CLSTN2: variants seen among roughly 807,000 people sequenced by gnomAD.
CLSTN2 encodes the protein calsyntenin 2, also known as calsyntenin-2.
A neutral mutation model predicts 101.2 loss-of-function variants in CLSTN2; 48 were observed. That is an observed-to-expected ratio of 0.47 (90% confidence interval 0.38 to 0.60). CLSTN2 has a LOEUF of 0.60. Ranked by LOEUF, CLSTN2 falls within the 20% of genes least tolerant of loss-of-function variation. The pLI is 0.00. For missense variants in CLSTN2, 1,160 were observed against 1,238.2 expected (o/e 0.94, Z 0.95); for synonymous variants, 481 against 463.6 (o/e 1.04, Z -0.48).
At chr3:140,006,869 G>A (rs577484494) in intron 1 of CLSTN2, among the ~76,000 whole-genome samples, 5 of 152,088 alleles carry the variant, frequency 3.3e-5, no homozygotes, top group Admixed American at 1.3e-4. Context: ...TGAGGGAGGC[G>A]CTTAGCTGCA....
chr3:140,442,770 C>T (rs899801658), intron 5 of CLSTN2, among the ~76,000 whole-genome samples: 2 of 152,100 alleles, frequency 1.3e-5, no homozygotes, highest in East Asian at 1.9e-4. Context: ...ATGTATGGCT[C>T]CTTACTGGCC....
intron 1 of CLSTN2, among the ~76,000 whole-genome samples, chr3:139,992,512 T>C (rs1258884167): frequency 6.6e-6 from 1 of 152,176 alleles, no homozygotes; most frequent in African/African-American, 2.4e-5. Context: ...TGCCAGCCTC[T>C]AGTGCTATTT....
intron 1 of CLSTN2, among the ~76,000 whole-genome samples, chr3:140,156,312 A>G (rs1403510457): frequency 2.0e-5 from 3 of 152,190 alleles, no homozygotes; most frequent in African/African-American, 4.8e-5. Context: ...AATTTACTCT[A>G]AATCAACCAC....
intron 5 of CLSTN2, among the ~76,000 whole-genome samples, chr3:140,438,689 T>C (rs2088713356): frequency 6.6e-6 from 1 of 152,186 alleles, no homozygotes; most frequent in African/African-American, 2.4e-5. Flanking sequence ...GCCTGGAAGA[T>C]GCTCATGTTT....
At chr3:140,011,935 C>G (rs2007083084) in intron 1 of CLSTN2, among the ~76,000 whole-genome samples, 1 of 152,030 alleles carries the variant, frequency 6.6e-6, no homozygotes, top group African/African-American at 2.4e-5. Context: ...ACCAGGGAAC[C>G]CTCTGGGAGA....
intron 8 of CLSTN2, among the ~76,000 whole-genome samples, chr3:140,486,769 CT>C (rs1294956272): frequency 6.6e-6 from 1 of 152,120 alleles, no homozygotes; most frequent in Non-Finnish European, 1.5e-5. Context: ...AAGGAAAATG[CT>C]GTAGAGGTGC....
rs1467222171 is a variant in CLSTN2 at position 140,391,053 on chromosome 3, C to T, written c.233-12576C>T. Among the ~76,000 whole-genome samples, 6 of 152,258 alleles carry T rather than the reference C, an allele frequency of 3.9e-5. No individual in the cohort carries two copies. In the East Asian group the frequency reaches 9.7e-4, roughly 24 times the overall value. ...GGTTCAAAAGGCTGGCAGTCTGTCCCCACATGCAGGGGACTGGGGGCAGCC... is the reference window on the plus strand; with the variant it reads ...GGTTCAAAAGGCTGGCAGTCTGTCCTCACATGCAGGGGACTGGGGGCAGCC... On this transcript the variant is annotated intron_variant, in intron 2 of 16. Transcript: ENST00000458420.
chr3:140,447,700 T>G (rs532621412), intron 5 of CLSTN2, among the ~76,000 whole-genome samples: 3 of 152,346 alleles, frequency 2.0e-5, no homozygotes, highest in East Asian at 1.9e-4. Context: ...CATGCTTCCT[T>G]TTGTTTTATA....
intron 2 of CLSTN2, among the ~76,000 whole-genome samples, chr3:140,348,354 T>C (rs531758695): frequency 6.6e-6 from 1 of 152,340 alleles, no homozygotes; most frequent in South Asian, 2.1e-4. Flanking sequence ...AAGGGCTTTT[T>C]CTTGCTCTGA....
rs1935850239 is a variant in CLSTN2, at chr3:140,558,707, A to G, written c.1891A>G (p.Ile631Val). The change falls in exon 12 of 17, where the codon ATC (isoleucine) becomes GTC (valine). Residue 631 changes from isoleucine to valine, a missense_variant. By Grantham distance (29) the Ile-to-Val change is conservative. Transcript: ENST00000458420. ...VDAYVMVLQA[I>V]EPRITLRGTD... ...TGCCTATGTGATGGTCCTCCAGGCC[A>G]TCGAGCCCCGGATCACCCTCCGGGG... is the stretch of plus-strand genomic sequence containing the variant. 6 of 1,613,960 alleles carry G rather than the reference A, an allele frequency of 3.7e-6. No individual in the cohort carries two copies. The highest frequency in any genetic ancestry group is 1.1e-5 in the South Asian group (1 of 91,066).
chr3:139,976,060 C>T (rs1935811987), intron 1 of CLSTN2, among the ~76,000 whole-genome samples: 1 of 152,198 alleles, frequency 6.6e-6, no homozygotes, highest in South Asian at 2.1e-4. Context: ...TACCATAACC[C>T]CCATGGGCAG....
At chr3:140,472,766 G>C (rs1325469304) in intron 8 of CLSTN2, among the ~76,000 whole-genome samples, 1 of 152,192 alleles carries the variant, frequency 6.6e-6, no homozygotes, top group Non-Finnish European at 1.5e-5. Flanking sequence ...TCAAATTGCA[G>C]GGTTGTTCTG....
intron 2 of CLSTN2, among the ~76,000 whole-genome samples, chr3:140,347,006 C>T (rs1464436588): frequency 6.6e-6 from 1 of 152,204 alleles, no homozygotes; most frequent in Admixed American, 6.5e-5. Flanking sequence ...TCTTTTCTAA[C>T]TTTTATTTTT....
intron 10 of CLSTN2, among the ~76,000 whole-genome samples, chr3:140,549,401 ACTTTTTATAAC>A (rs1345513583): frequency 9.9e-5 from 15 of 151,646 alleles, no homozygotes; most frequent in African/African-American, 3.2e-4. Flanking sequence ...GGATACTGAA[ACTTTTTATAAC>A]CTTTTTATAA....
At chr3:140,009,407 A>C (rs2007024980) in intron 1 of CLSTN2, among the ~76,000 whole-genome samples, 1 of 152,224 alleles carries the variant, frequency 6.6e-6, no homozygotes, top group Non-Finnish European at 1.5e-5. Context: ...TAAAATCACC[A>C]ATAATCTCTT....
At chr3:140,530,728 G>T (rs56810120) in intron 8 of CLSTN2, among the ~76,000 whole-genome samples, 139 of 152,324 alleles carry the variant, frequency 9.1e-4, no homozygotes, top group African/African-American at 3.2e-3. Flanking sequence ...AGGCCAGGAT[G>T]GGGGAGCCCC....
At chr3:140,521,338 GT>G (rs1935023332) in intron 8 of CLSTN2, among the ~76,000 whole-genome samples, 1 of 152,128 alleles carries the variant, frequency 6.6e-6, no homozygotes, top group Non-Finnish European at 1.5e-5. Flanking sequence ...TTTTCTGTTT[GT>G]TTTTCTTTTA....
At chr3:140,241,852 T>C (rs2086470591) in intron 2 of CLSTN2, among the ~76,000 whole-genome samples, 1 of 142,838 alleles carries the variant, frequency 7.0e-6, no homozygotes, top group Non-Finnish European at 1.5e-5. Context: ...TACATATATA[T>C]ATACACATAT....
At chr3:140,019,464 A>C (rs1200186591) in intron 1 of CLSTN2, among the ~76,000 whole-genome samples, 1 of 152,152 alleles carries the variant, frequency 6.6e-6, no homozygotes, top group African/African-American at 2.4e-5. Flanking sequence ...GTTTCCTAAA[A>C]TTAAATCTCT....
Sources: allele counts gnomAD v4.1 joint callset (sites outside exome capture counted in the v4.1 genomes callset), GRCh38; gene constraint gnomAD v4.1.1; transcripts MANE v1.5; gene names NCBI Gene and HGNC (gene_info 2026-07-23, HGNC 2026-07-21).